The following RAI1 variants were observed in gnomAD, a reference collection of about 807,000 sequenced individuals.
RAI1 encodes the protein retinoic acid-induced protein 1.
Under a neutral mutation model 123.8 loss-of-function variants are expected in RAI1, and 9 were observed. The observed-to-expected ratio is 0.07, with a 90% confidence interval of 0.04 to 0.13. The LOEUF is 0.13. Ranked by LOEUF, RAI1 falls within the 10% of genes least tolerant of loss-of-function variation. The pLI is 1.00. For synonymous variants in RAI1, 1,231 were observed against 1,127.3 expected, an observed-to-expected ratio of 1.09 and a Z score of -1.84; for missense variants, 2,256 against 2,545.8, an observed-to-expected ratio of 0.89 and a Z score of 2.45.
At position 17,803,739 on chromosome 17, in the gene RAI1, T is replaced by G. The variant is rs2032535914; in HGVS notation, c.5566-17T>G. Reference sequence around the variant, plus strand: ...CTCCAACTGGAGACTCACCTGCCTTTCCTTTCTCTTCATCAGATGTGTTCC... The same window carrying G: ...CTCCAACTGGAGACTCACCTGCCTTGCCTTTCTCTTCATCAGATGTGTTCC... On this transcript the variant is annotated splice_polypyrimidine_tract_variant and intron_variant, in intron 3 of 5. Coordinates refer to ENST00000353383, the MANE Select transcript of RAI1 (RefSeq NM_030665.4). 4 of 1,610,332 alleles carry G rather than the reference T, an allele frequency of 2.5e-6. No individual in the cohort carries two copies. Among genetic ancestry groups the G allele is most frequent in the Non-Finnish European group, 2.5e-6 (3 of 1,177,150 alleles).
At chr17:17,682,465 C>G (rs950806315) in intron 1 of RAI1, 1 of 151,346 alleles carries the variant, frequency 6.6e-6, no homozygotes, top group African/African-American at 2.4e-5. Flanking sequence ...GATGACGTCA[C>G]GGGCGGGGGC....
chr17:17,741,026 C>T (rs977524132), intron 2 of RAI1, among the ~76,000 whole-genome samples: 3 of 152,044 alleles, frequency 2.0e-5, no homozygotes, highest in Non-Finnish European at 4.4e-5. Flanking sequence ...CGAGACACCA[C>T]CCCCGCCCGC....
In RAI1 at chr17:17,811,006, C is replaced by G; in HGVS notation, c.*1025C>G. ...TCGTGCGCCCGCAACAGAGCCCCAA[C>G]CGGGCCTTTGCCGGGTAAGGGGCTA... On this transcript the variant is annotated 3_prime_UTR_variant, in exon 6 of 6. Transcript: ENST00000353383. 3.1e-6 allele frequency: 1 copy of G among 319,546 alleles called. No individual in the cohort carries two copies. Among genetic ancestry groups the G allele is most frequent in the Non-Finnish European group, 6.3e-6 (1 of 159,412 alleles). 19.8% of individuals were successfully genotyped at this position (319,546 alleles called of 1,614,324 possible). A position where few individuals can be genotyped will look rare whatever the true frequency, so the allele number is the denominator to read the frequency against.
rs1232832359 is a variant in RAI1, at chr17:17,811,253, A to C, written c.*1272A>C. On this transcript the variant is annotated 3_prime_UTR_variant, in exon 6 of 6. Transcript: ENST00000353383. ...ATATAGTGTATATATATGTATACATATACATATATATAATATATATGAAGA... is the reference window on the plus strand; with the variant it reads ...ATATAGTGTATATATATGTATACATCTACATATATATAATATATATGAAGA... The C allele has an allele frequency of 6.0e-6, 2 of 331,258 alleles. No individual in the cohort carries two copies. The highest frequency in any genetic ancestry group is 2.5e-5 in the South Asian group (1 of 39,356). 20.5% of individuals were successfully genotyped at this position (331,258 alleles called of 1,614,324 possible). A position where few individuals can be genotyped will look rare whatever the true frequency, so the allele number is the denominator to read the frequency against.
intron 1 of RAI1, among the ~76,000 whole-genome samples, chr17:17,693,101 C>T (rs1914894044): frequency 6.6e-6 from 1 of 152,254 alleles, no homozygotes. Context: ...CACATCTGCA[C>T]ACTCTGGGGT....
intron 1 of RAI1, among the ~76,000 whole-genome samples, chr17:17,700,263 T>C (rs993037805): frequency 6.6e-6 from 1 of 152,148 alleles, no homozygotes; most frequent in Non-Finnish European, 1.5e-5. Context: ...GTGAAACCTC[T>C]GGCTCTCGGA....
At chr17:17,805,121 A>G (rs2032570282) in intron 4 of RAI1, among the ~76,000 whole-genome samples, 1 of 152,178 alleles carries the variant, frequency 6.6e-6, no homozygotes, top group Non-Finnish European at 1.5e-5. Flanking sequence ...TCAGCTGCCT[A>G]AAGTGCTGGG....
In RAI1 at chr17:17,797,030, T is replaced by A; in HGVS notation, c.4082T>A (p.Leu1361His). The change falls in exon 3 of 6, where the codon CTT (leucine) becomes CAT (histidine). Residue 1361 changes from leucine to histidine, a missense_variant. Leu to His is a moderately conservative substitution (Grantham distance 99, BLOSUM62 -3). Transcript: ENST00000353383. ...ASPGNPLSPS[L>H]SDKDRGLKGA... ...CCTGGTAATCCTCTGAGCCCATCCC[T>A]TTCCGACAAAGACCGTGGGCTCAAG... is the stretch of plus-strand genomic sequence containing the variant. The A allele has an allele frequency of 6.2e-7, 1 of 1,613,892 alleles. No individual in the cohort carries two copies. Among genetic ancestry groups the A allele is most frequent in the South Asian group, 1.1e-5 (1 of 91,080 alleles).
chr17:17,804,217 T>TTC (rs558540541), intron 4 of RAI1: 3,708 of 342,546 alleles, frequency 0.011, 145 homozygotes, highest in African/African-American at 0.073. Context: ...AAATAGGAGT[T>TTC]CACTCAGCAG....
At chr17:17,751,044 TCGACTTC>T (rs2030146610) in intron 2 of RAI1, among the ~76,000 whole-genome samples, 1 of 152,236 alleles carries the variant, frequency 6.6e-6, no homozygotes, top group African/African-American at 2.4e-5. Context: ...CCATTAGCCG[TCGACTTC>T]CGGTTTTGTC....
At chr17:17,727,306 C>T (rs1258859207) in intron 2 of RAI1, among the ~76,000 whole-genome samples, 1 of 152,196 alleles carries the variant, frequency 6.6e-6, no homozygotes, top group African/African-American at 2.4e-5. Context: ...GAAGCGAGTC[C>T]CAAGGTCACA....
In RAI1 at chr17:17,793,696, C is replaced by G. The variant is rs988555614; in HGVS notation, c.748C>G (p.Pro250Ala). The G allele has an allele frequency of 1.7e-5, 28 of 1,612,996 alleles. No individual in the cohort carries two copies. The highest frequency in any genetic ancestry group is 1.9e-5 in the Non-Finnish European group (23 of 1,180,048). Residue 250 changes from proline to alanine, a missense_variant, in exon 3 of 6, where the codon CCG becomes GCG. By Grantham distance (27) the Pro-to-Ala change is conservative. Transcript: ENST00000353383. ...TAPTAQPHDR[P>A]LTASSSLAPG... is the part of the protein sequence containing the mutation. ...ACCGACTGCCCAGCCCCATGACAGG[C>G]CGCTGACTGCCAGCTCCAGCCTGGC...
intron 2 of RAI1, among the ~76,000 whole-genome samples, chr17:17,786,669 G>A (rs2031838042): frequency 6.6e-6 from 1 of 152,228 alleles, no homozygotes; most frequent in Non-Finnish European, 1.5e-5. Flanking sequence ...AGACAAACCT[G>A]CAGACACTTG....
At chr17:17,754,838 A>G (rs1320800749) in intron 2 of RAI1, among the ~76,000 whole-genome samples, 2 of 152,220 alleles carry the variant, frequency 1.3e-5, no homozygotes, top group East Asian at 3.8e-4. Context: ...GAGAGGAGTA[A>G]CTACATAGTA....
In RAI1 at chr17:17,783,027, T is replaced by TA. The variant is rs1555563548; in HGVS notation, c.-16-9906_-16-9905insA. On this transcript the variant is annotated intron_variant, in intron 2 of 5. Coordinates refer to ENST00000353383, the MANE Select transcript of RAI1 (RefSeq NM_030665.4). ...GAACAGCTGCTTCACTCGGCTGACT[T>TA]CGAGGGCGGCTACGGGAGAATCAGG... 3.3e-5 allele frequency among the ~76,000 whole-genome samples: 5 copies of TA among 152,202 alleles called. No homozygotes were observed. In the East Asian group the frequency reaches 7.8e-4, roughly 24 times the overall value.
At chr17:17,712,214 A>G (rs7208561) in intron 1 of RAI1, among the ~76,000 whole-genome samples, 54,172 of 152,208 alleles carry the variant, frequency 0.36, 10,315 homozygotes, top group Middle Eastern at 0.49. Context: ...CCGGGGCTCT[A>G]TCAGCGAATA....
At chr17:17,765,113 G>A (rs2142993378) in intron 2 of RAI1, among the ~76,000 whole-genome samples, 1 of 152,328 alleles carries the variant, frequency 6.6e-6, no homozygotes, top group South Asian at 2.1e-4. Flanking sequence ...ACCAGCCCAG[G>A]CAACATAGCA....
At chr17:17,803,611 C>T in intron 3 of RAI1, 145 bp from the exon 4 acceptor site, 1 of 756,640 alleles carries the variant, frequency 1.3e-6, no homozygotes, top group Admixed American at 1.8e-5. Context: ...GTATCAAACT[C>T]CTGGACTCAG....
At chr17:17,772,464 T>G (rs910127326) in intron 2 of RAI1, among the ~76,000 whole-genome samples, 3 of 152,196 alleles carry the variant, frequency 2.0e-5, no homozygotes, top group African/African-American at 7.2e-5. Context: ...TGCTCACTGT[T>G]GCTCACTCTC....
Sources: allele counts gnomAD v4.1 joint callset (sites outside exome capture counted in the v4.1 genomes callset), GRCh38; gene constraint gnomAD v4.1.1; transcripts MANE v1.5; gene names NCBI Gene and HGNC (gene_info 2026-07-23, HGNC 2026-07-21).